Variants in MYO16 observed in about 807,000 individuals in gnomAD.
MYO16 encodes the protein myosin XVI.
Under a neutral mutation model 205.3 loss-of-function variants are expected in MYO16, and 94 were observed. That is an observed-to-expected ratio of 0.46 (90% CI 0.39 to 0.54). The LOEUF (loss-of-function observed/expected upper bound fraction) is 0.54, where lower values mean the gene tolerates loss of function less well. MYO16 is among the 20% of genes least tolerant of loss of function. MYO16 has a pLI of 0.00. For synonymous variants in MYO16, 988 were observed against 954.0 expected (o/e 1.04, Z -0.66); for missense variants, 2,315 against 2,387.5 (o/e 0.97, Z 0.63).
At chr13:108,843,499 A>G (rs914849145) in intron 9 of MYO16, among the ~76,000 whole-genome samples, 10 of 61,716 alleles carry the variant, frequency 1.6e-4, no homozygotes, top group African/African-American at 3.8e-4. Flanking sequence ...AAACAAATAG[A>G]AGTTTAAAAG....
chr13:108,608,504 T>C (rs2139312884), intron 1 of MYO16, among the ~76,000 whole-genome samples: 1 of 152,332 alleles, frequency 6.6e-6, no homozygotes, highest in South Asian at 2.1e-4. Flanking sequence ...CTCTTTCATC[T>C]TAACCTATTC....
chr13:108,594,212 C>T (rs1255547998), upstream of MYO16, among the ~76,000 whole-genome samples: 2 of 152,210 alleles, frequency 1.3e-5, no homozygotes, highest in Non-Finnish European at 2.9e-5. Context: ...AATCCATGTC[C>T]TGACAGCATC....
chr13:109,082,506 A>G (rs749441048), intron 27 of MYO16, among the ~76,000 whole-genome samples: 10 of 152,212 alleles, frequency 6.6e-5, no homozygotes, highest in Non-Finnish European at 1.0e-4. Context: ...GGTTACAGGA[A>G]GAGTAATGAT....
chr13:108,777,797 G>C (rs966221886), intron 4 of MYO16, among the ~76,000 whole-genome samples: 6 of 152,146 alleles, frequency 3.9e-5, no homozygotes, highest in Admixed American at 6.6e-5. Flanking sequence ...ACGTTTACCT[G>C]TGTTCCCCAG....
At chr13:108,958,960 T>C (rs1209258150) in intron 17 of MYO16, among the ~76,000 whole-genome samples, 1 of 152,242 alleles carries the variant, frequency 6.6e-6, no homozygotes, top group Non-Finnish European at 1.5e-5. Flanking sequence ...CTATTTATTT[T>C]TCTGAAGCCA....
At chr13:108,574,291 G>A in the MYO16 span, among the ~76,000 whole-genome samples, 1 of 152,118 alleles carries the variant, frequency 6.6e-6, no homozygotes, top group Non-Finnish European at 1.5e-5. Context: ...TCAGGAAACT[G>A]TCTAAAAGCT....
chr13:108,767,184 G>A (rs903705492), intron 4 of MYO16, among the ~76,000 whole-genome samples: 2 of 151,928 alleles, frequency 1.3e-5, no homozygotes, highest in African/African-American at 4.8e-5. Flanking sequence ...CTCACTGCAA[G>A]CTCCGCCTCC....
chr13:108,860,050 G>C (rs752802786), intron 11 of MYO16, among the ~76,000 whole-genome samples: 1 of 151,848 alleles, frequency 6.6e-6, no homozygotes, highest in Non-Finnish European at 1.5e-5. Context: ...GGGTTGTAAA[G>C]GTTTGTTATA....
intron 2 of MYO16, among the ~76,000 whole-genome samples, chr13:108,678,138 T>C (rs1882311578): frequency 6.6e-6 from 1 of 152,224 alleles, no homozygotes; most frequent in Admixed American, 6.5e-5. Context: ...GAGAAATCAC[T>C]TACTGAGTGC....
intron 4 of MYO16, among the ~76,000 whole-genome samples, chr13:108,756,322 G>A (rs574979336): frequency 1.4e-4 from 21 of 152,186 alleles, no homozygotes; most frequent in Non-Finnish European, 2.4e-4. Context: ...ATATATGTAT[G>A]AGAAATGTCA....
intron 4 of MYO16, among the ~76,000 whole-genome samples, chr13:108,743,073 T>C (rs867517778): frequency 9.2e-5 from 14 of 152,226 alleles, no homozygotes; most frequent in African/African-American, 3.4e-4. Flanking sequence ...GTGACAAATA[T>C]GCACATTTTA....
At chr13:108,623,677 T>A (rs996177814) in intron 1 of MYO16, among the ~76,000 whole-genome samples, 1 of 152,192 alleles carries the variant, frequency 6.6e-6, no homozygotes, top group African/African-American at 2.4e-5. Context: ...TTATATGTCA[T>A]GCACCAGAAA....
chr13:108,934,462 A>G (rs7339306), intron 16 of MYO16, among the ~76,000 whole-genome samples: 6,332 of 151,940 alleles, frequency 0.042, 423 homozygotes, highest in African/African-American at 0.14. Flanking sequence ...TGCTTGTTCA[A>G]TTGTTTAAGT....
At chr13:108,570,590 C>T in the MYO16 span, among the ~76,000 whole-genome samples, 1 of 152,184 alleles carries the variant, frequency 6.6e-6, no homozygotes, top group Non-Finnish European at 1.5e-5. Context: ...ATGAAGCCAG[C>T]CATCTGGGCC....
At chr13:109,116,177 AATACCCAG>A (rs1875671474) in intron 28 of MYO16, among the ~76,000 whole-genome samples, 2 of 152,190 alleles carry the variant, frequency 1.3e-5, no homozygotes, top group African/African-American at 4.8e-5. Context: ...CAGCAAGCAC[AATACCCAG>A]GCATTGCAAC....
chr13:108,814,240 TAA>T (rs1159921716), intron 7 of MYO16, among the ~76,000 whole-genome samples: 54 of 152,318 alleles, frequency 3.5e-4, no homozygotes, highest in African/African-American at 1.2e-3. Flanking sequence ...TCTGATACTC[TAA>T]CCTTTTTGCA....
At chr13:108,737,517 A>T (rs7981047) in intron 4 of MYO16, among the ~76,000 whole-genome samples, 111,427 of 151,998 alleles carry the variant, frequency 0.73, 41,413 homozygotes, top group Non-Finnish European at 0.8. Context: ...AAGCTTTTTG[A>T]TGTGCTGCTG....
upstream of MYO16, among the ~76,000 whole-genome samples, chr13:108,624,738 T>G (rs1330764068): frequency 1.3e-5 from 2 of 151,704 alleles, no homozygotes; most frequent in African/African-American, 4.8e-5. Flanking sequence ...AGGAAGTGGG[T>G]GGCCAAATGC....
chr13:108,873,250 A>G (rs1353590120), intron 12 of MYO16, among the ~76,000 whole-genome samples: 1 of 152,266 alleles, frequency 6.6e-6, no homozygotes, highest in African/African-American at 2.4e-5. Context: ...AAATATGATT[A>G]TATCTGTAAA....
Sources: allele counts gnomAD v4.1 joint callset (sites outside exome capture counted in the v4.1 genomes callset), GRCh38; gene constraint gnomAD v4.1.1; transcripts MANE v1.5; gene names NCBI Gene and HGNC (gene_info 2026-07-23, HGNC 2026-07-21).